The following BCKDHB variants were observed in gnomAD, a reference collection of about 807,000 sequenced individuals.
The protein encoded by BCKDHB is 2-oxoisovalerate dehydrogenase subunit beta, mitochondrial.
BCKDHB carries 41 observed loss-of-function variants against 48.5 expected under a neutral mutation model. That is an observed-to-expected ratio of 0.85 (90% confidence interval 0.66 to 1.10). The LOEUF (loss-of-function observed/expected upper bound fraction) is 1.10, where lower values mean the gene tolerates loss of function less well. Among genes scored for constraint, BCKDHB ranks in the 50% least tolerant of loss-of-function variants. BCKDHB has a pLI of 0.00. For synonymous variants in BCKDHB, 201 were observed against 174.8 expected, an observed-to-expected ratio of 1.15 and a Z score of -1.18; for missense variants, 496 against 494.2, an observed-to-expected ratio of 1.00 and a Z score of -0.03.
At chr6:80,289,655 A>T (rs1239050375) in intron 9 of BCKDHB, among the ~76,000 whole-genome samples, 1 of 152,076 alleles carries the variant, frequency 6.6e-6, no homozygotes, top group Admixed American at 6.6e-5. Flanking sequence ...TGAGGAACTG[A>T]GGGAAAGCTC....
the BCKDHB span, chr6:80,355,452 T>C: frequency 6.6e-6 from 1 of 150,868 alleles, no homozygotes; most frequent in Admixed American, 6.6e-5. Context: ...ATTTGCCATA[T>C]TTACACTCCT....
chr6:80,356,026 T>C, the BCKDHB span: 1 of 152,358 alleles, frequency 6.6e-6, no homozygotes, highest in East Asian at 1.9e-4. Flanking sequence ...CATCAATATT[T>C]GGTGAAACAG....
the BCKDHB span, among the ~76,000 whole-genome samples, chr6:80,434,685 G>A: frequency 2.0e-5 from 3 of 152,090 alleles, no homozygotes; most frequent in Admixed American, 6.6e-5. Context: ...TTCAACAGAA[G>A]CTGCTTGTCT....
At chr6:80,363,339 C>A in the BCKDHB span, among the ~76,000 whole-genome samples, 1 of 152,138 alleles carries the variant, frequency 6.6e-6, no homozygotes, top group East Asian at 1.9e-4. Context: ...ATTTCTGAAA[C>A]GACTGAGATT....
intron 8 of BCKDHB, among the ~76,000 whole-genome samples, chr6:80,243,144 G>T: frequency 6.6e-6 from 1 of 152,184 alleles, no homozygotes; most frequent in Admixed American, 6.6e-5. Flanking sequence ...AAGGTACAGA[G>T]AGACAAAGTA....
chr6:80,163,070 G>A (rs1378987241), intron 3 of BCKDHB, among the ~76,000 whole-genome samples: 2 of 151,742 alleles, frequency 1.3e-5, no homozygotes, highest in African/African-American at 4.8e-5. Flanking sequence ...CTACAGGCAC[G>A]TGCCACCACA....
the BCKDHB span, among the ~76,000 whole-genome samples, chr6:80,391,785 A>C: frequency 2.6e-5 from 4 of 152,080 alleles, no homozygotes; most frequent in Non-Finnish European, 5.9e-5. Flanking sequence ...CAAGGCATAA[A>C]ATTTTGGGTT....
At chr6:80,407,235 A>G in the BCKDHB span, among the ~76,000 whole-genome samples, 1 of 152,194 alleles carries the variant, frequency 6.6e-6, no homozygotes, top group Non-Finnish European at 1.5e-5. Flanking sequence ...CGATAACAAT[A>G]CCATGCTGTT....
rs536076507 is a variant in BCKDHB, at chr6:80,249,311, T to C, written c.952-23824T>C. On this transcript the variant is annotated intron_variant, in intron 8 of 9. Transcript: ENST00000320393. Reference sequence around the variant, plus strand: ...ATTTTGGGAGGAGCCACATTAACTTTTATGTTCCAGAATGCTTGAAAAACA... The same window carrying C: ...ATTTTGGGAGGAGCCACATTAACTTCTATGTTCCAGAATGCTTGAAAAACA... 2.6e-5 allele frequency among the ~76,000 whole-genome samples: 4 copies of C among 152,248 alleles called. No homozygotes were observed. In the South Asian group the frequency reaches 8.3e-4, roughly 32 times the overall value.
At chr6:80,114,094 A>G (rs1484787773) in intron 1 of BCKDHB, among the ~76,000 whole-genome samples, 3 of 152,026 alleles carry the variant, frequency 2.0e-5, no homozygotes, top group Admixed American at 1.3e-4. Context: ...TCCTTTTGTT[A>G]CTTGGGCATG....
At chr6:80,413,998 T>G in the BCKDHB span, among the ~76,000 whole-genome samples, 1 of 152,200 alleles carries the variant, frequency 6.6e-6, no homozygotes, top group Non-Finnish European at 1.5e-5. Context: ...CCATTCTGAC[T>G]GATGTGAGAT....
intron 3 of BCKDHB, among the ~76,000 whole-genome samples, chr6:80,149,411 C>T (rs1203834999): frequency 2.0e-5 from 3 of 152,142 alleles, no homozygotes; most frequent in Non-Finnish European, 2.9e-5. Context: ...GACAGTGTGG[C>T]GATTCCTCAG....
At chr6:80,237,617 C>T (rs1233770654) in intron 8 of BCKDHB, among the ~76,000 whole-genome samples, 3 of 152,138 alleles carry the variant, frequency 2.0e-5, no homozygotes, top group African/African-American at 7.2e-5. Flanking sequence ...GGAGTGAGAA[C>T]TATTATTGTC....
the BCKDHB span, among the ~76,000 whole-genome samples, chr6:80,443,859 A>T: frequency 6.6e-6 from 1 of 152,072 alleles, no homozygotes; most frequent in Admixed American, 6.6e-5. Flanking sequence ...CATCTAACAG[A>T]TAGTTGTATA....
At chr6:80,410,511 T>C in the BCKDHB span, among the ~76,000 whole-genome samples, 1 of 151,948 alleles carries the variant, frequency 6.6e-6, no homozygotes, top group African/African-American at 2.4e-5. Flanking sequence ...TAGTTTGGAG[T>C]TCTGCTGTAC....
intron 3 of BCKDHB, among the ~76,000 whole-genome samples, chr6:80,134,638 A>G (rs1770793469): frequency 6.6e-6 from 1 of 152,046 alleles, no homozygotes. Context: ...TTACATTTAG[A>G]GGTTTTTTTG....
chr6:80,212,266 T>A (rs1582368438), intron 8 of BCKDHB, among the ~76,000 whole-genome samples: 1 of 152,048 alleles, frequency 6.6e-6, no homozygotes. Context: ...CGTATCTCAG[T>A]CCTTATCTCA....
intron 8 of BCKDHB, among the ~76,000 whole-genome samples, chr6:80,260,393 G>T (rs1004745535): frequency 6.6e-6 from 1 of 152,038 alleles, no homozygotes; most frequent in Non-Finnish European, 1.5e-5. Context: ...CAAATTATTG[G>T]GTCTCTTGAA....
At chr6:80,465,530 C>A in the BCKDHB span, among the ~76,000 whole-genome samples, 1 of 152,116 alleles carries the variant, frequency 6.6e-6, no homozygotes, top group Admixed American at 6.5e-5. Context: ...TGATTTTTGT[C>A]ATTTCTCTTC....
Sources: allele counts gnomAD v4.1 joint callset (sites outside exome capture counted in the v4.1 genomes callset), GRCh38; gene constraint gnomAD v4.1.1; transcripts MANE v1.5; gene names NCBI Gene and HGNC (gene_info 2026-07-23, HGNC 2026-07-21).